Variants in SLC71A1 observed in about 807,000 individuals in gnomAD.
The protein encoded by SLC71A1 is hippocampus abundant gene transcript 1.
the SLC71A1 span, among the ~76,000 whole-genome samples, chr1:100,059,398 A>G: frequency 6.6e-6 from 1 of 151,414 alleles, no homozygotes; most frequent in African/African-American, 2.4e-5. Flanking sequence ...GACCTAAGTG[A>G]TCTGCCCTCG....
chr1:100,076,682 C>G, the SLC71A1 span, among the ~76,000 whole-genome samples: 2 of 152,180 alleles, frequency 1.3e-5, no homozygotes, highest in Admixed American at 1.3e-4. Flanking sequence ...TATCCCAAAT[C>G]AAGCTTATTA....
the SLC71A1 span, chr1:100,068,383 A>C: frequency 1.0e-6 from 1 of 977,178 alleles, no homozygotes; most frequent in Non-Finnish European, 1.6e-6. Flanking sequence ...CCATGAGTAC[A>C]CTGCCAAAAG....
At chr1:100,081,935 G>T in the SLC71A1 span, 1 of 1,180,570 alleles carries the variant, frequency 8.5e-7, no homozygotes, top group Non-Finnish European at 1.3e-6. Context: ...AATACTAAAA[G>T]GTATGTAGTT....
At chr1:100,068,058 G>A in the SLC71A1 span, 1 of 1,614,196 alleles carries the variant, frequency 6.2e-7, no homozygotes, top group Non-Finnish European at 8.5e-7. Context: ...GGACAGCTTG[G>A]TGGTGGTCTT....
chr1:100,065,282 T>C, the SLC71A1 span, among the ~76,000 whole-genome samples: 22 of 152,350 alleles, frequency 1.4e-4, no homozygotes, highest in Admixed American at 5.2e-4. Flanking sequence ...CTTGTTCAAA[T>C]AATTGACCTT....
chr1:100,077,217 T>G, the SLC71A1 span: 1 of 1,595,826 alleles, frequency 6.3e-7, no homozygotes, highest in East Asian at 2.2e-5. Context: ...AACACCATTT[T>G]ACTGGGTCTA....
chr1:100,061,081 G>A, the SLC71A1 span, among the ~76,000 whole-genome samples: 1 of 152,096 alleles, frequency 6.6e-6, no homozygotes, highest in South Asian at 2.1e-4. Context: ...AATTTGCTGT[G>A]TTAAGCAGTG....
At chr1:100,081,547 T>G in the SLC71A1 span, among the ~76,000 whole-genome samples, 2 of 152,134 alleles carry the variant, frequency 1.3e-5, no homozygotes, top group Non-Finnish European at 1.5e-5. Flanking sequence ...TAATTTTTTT[T>G]GTATTTTTAG....
chr1:100,063,782 C>T, the SLC71A1 span, among the ~76,000 whole-genome samples: 15 of 152,212 alleles, frequency 9.9e-5, no homozygotes, highest in African/African-American at 2.6e-4. Flanking sequence ...AGCCACAGAG[C>T]GAGACCTGTC....
the SLC71A1 span, chr1:100,062,117 A>T: frequency 5.9e-6 from 3 of 508,388 alleles, no homozygotes; most frequent in South Asian, 1.0e-4. Flanking sequence ...TTGCGGTATG[A>T]GGCTATGTAA....
chr1:100,054,718 TAAAAA>T, the SLC71A1 span, among the ~76,000 whole-genome samples: 1 of 152,050 alleles, frequency 6.6e-6, no homozygotes, highest in African/African-American at 2.4e-5. Context: ...TTTTTAAAGT[TAAAAA>T]AAAGTTAAGA....
At chr1:100,068,933 A>G in the SLC71A1 span, among the ~76,000 whole-genome samples, 1 of 152,204 alleles carries the variant, frequency 6.6e-6, no homozygotes, top group Non-Finnish European at 1.5e-5. Context: ...CAGTGAGCCA[A>G]GATTGCGCCA....
chr1:100,075,342 C>T, the SLC71A1 span, among the ~76,000 whole-genome samples: 2 of 152,196 alleles, frequency 1.3e-5, no homozygotes, highest in Admixed American at 6.5e-5. Context: ...ATCATCATCT[C>T]AATGAATGAT....
the SLC71A1 span, chr1:100,078,572 A>G: frequency 6.7e-7 from 1 of 1,484,738 alleles, no homozygotes; most frequent in Non-Finnish European, 9.4e-7. Flanking sequence ...AACTAGCGAT[A>G]ATTATTTAAA....
chr1:100,040,151 A>G, the SLC71A1 span, among the ~76,000 whole-genome samples: 1 of 152,170 alleles, frequency 6.6e-6, no homozygotes, highest in Non-Finnish European at 1.5e-5. Flanking sequence ...CCTTTAGAAA[A>G]GGGGCTTTGT....
chr1:100,047,611 G>A, the SLC71A1 span, among the ~76,000 whole-genome samples: 1 of 152,054 alleles, frequency 6.6e-6, no homozygotes, highest in African/African-American at 2.4e-5. Flanking sequence ...TAGTGGAGAC[G>A]GGGTTTCTTC....
the SLC71A1 span, among the ~76,000 whole-genome samples, chr1:100,043,448 T>C: frequency 1.3e-5 from 2 of 152,176 alleles, no homozygotes; most frequent in African/African-American, 2.4e-5. Context: ...TTTTAAAAAA[T>C]AAATAATACA....
At chr1:100,078,697 G>C in the SLC71A1 span, 1 of 573,620 alleles carries the variant, frequency 1.7e-6, no homozygotes. Flanking sequence ...GCAGATTCTA[G>C]GGTATTTATC....
the SLC71A1 span, among the ~76,000 whole-genome samples, chr1:100,051,047 C>T: frequency 6.7e-6 from 1 of 148,282 alleles, no homozygotes; most frequent in African/African-American, 2.5e-5. Flanking sequence ...ATCGTGCCAC[C>T]ACACTCCAGC....
Sources: gnomAD v4.1 joint callset for allele counts (sites outside exome capture counted in the v4.1 genomes callset) on GRCh38, gnomAD v4.1.1 for gene constraint, MANE v1.5 for transcripts, NCBI Gene and HGNC (gene_info 2026-07-23, HGNC 2026-07-21) for gene names.